AUTS2: variants seen among roughly 807,000 people sequenced by gnomAD.
The protein encoded by AUTS2 is activator of transcription and developmental regulator AUTS2.
Under a neutral mutation model 112.4 loss-of-function variants are expected in AUTS2, and 17 were observed. The observed-to-expected ratio is 0.15, with a 90% CI of 0.10 to 0.23. The LOEUF is 0.23. Among genes scored for constraint, AUTS2 ranks in the 10% least tolerant of loss-of-function variants. The probability of loss-of-function intolerance (pLI) is 1.00; values close to 1 mark genes in which losing one functional copy is unlikely to be tolerated. For missense variants in AUTS2, 1,510 were observed against 1,701.6 expected (o/e 0.89, Z 1.98); for synonymous variants, 751 against 702.7 (o/e 1.07, Z -1.09).
chr7:70,616,965 C>A (rs560847138), intron 5 of AUTS2, among the ~76,000 whole-genome samples: 1 of 152,064 alleles, frequency 6.6e-6, no homozygotes, highest in African/African-American at 2.4e-5. Context: ...AAAAAGGATC[C>A]GGTAGTCATG....
chr7:70,596,946 T>C (rs1475628711), intron 5 of AUTS2: 1 of 152,254 alleles, frequency 6.6e-6, no homozygotes, highest in African/African-American at 2.4e-5. Flanking sequence ...AATGGAAGTC[T>C]ATTGTCCTAA....
chr7:70,129,822 A>C (rs1412173661), intron 3 of AUTS2, among the ~76,000 whole-genome samples: 2 of 152,020 alleles, frequency 1.3e-5, no homozygotes, highest in East Asian at 3.9e-4. Context: ...TGATGCTTTT[A>C]TCAAGTTGTT....
intron 4 of AUTS2, among the ~76,000 whole-genome samples, chr7:70,273,964 C>A (rs960908857): frequency 6.6e-6 from 1 of 152,016 alleles, no homozygotes; most frequent in African/African-American, 2.4e-5. Context: ...ATTTTAGAAC[C>A]AGATAAATTA....
At position 70,043,575 on chromosome 7, in the gene AUTS2, TCCTTCCTTC is replaced by T. The variant is rs1314121044; in HGVS notation, c.523-74555_523-74547del. ...TTCCTTCCTTCCTTCCTTCCTTCCTTCCTTCCTTCCTTCCTTCCTTCCTTCCTTCCTTTT... is the reference window on the plus strand; with the variant it reads ...TTCCTTCCTTCCTTCCTTCCTTCCTTCTTCCTTCCTTCCTTCCTTCCTTTT... On this transcript the variant is annotated intron_variant, in intron 2 of 18. Transcript: ENST00000342771. 1.2e-4 allele frequency among the ~76,000 whole-genome samples: 13 copies of T among 112,860 alleles called. No homozygotes were observed. The East Asian group carries it at 3.1e-3, about 27-fold the overall frequency. 74.0% of individuals were successfully genotyped at this position (112,860 alleles called of 152,430 possible). A position where few individuals can be genotyped will look rare whatever the true frequency, so the allele number is the denominator to read the frequency against.
intron 1 of AUTS2, among the ~76,000 whole-genome samples, chr7:69,840,853 A>G (rs151250077): frequency 7.9e-5 from 12 of 152,316 alleles, no homozygotes; most frequent in African/African-American, 2.6e-4. Context: ...GCTACCAAAT[A>G]AAATATAGAA....
intron 2 of AUTS2, among the ~76,000 whole-genome samples, chr7:69,998,184 T>A (rs1429477063): frequency 6.6e-6 from 1 of 152,106 alleles, no homozygotes; most frequent in Non-Finnish European, 1.5e-5. Flanking sequence ...ATGGTGATGA[T>A]GTGGGGCAAA....
At chr7:70,679,025 A>T (rs1048802413) in intron 5 of AUTS2, among the ~76,000 whole-genome samples, 1 of 152,156 alleles carries the variant, frequency 6.6e-6, no homozygotes, top group Non-Finnish European at 1.5e-5. Flanking sequence ...CAAACCCTAA[A>T]TGAGTAGATG....
intron 4 of AUTS2, among the ~76,000 whole-genome samples, chr7:70,198,601 A>G (rs2129585096): frequency 8.8e-6 from 1 of 113,650 alleles, no homozygotes; most frequent in Admixed American, 9.7e-5. Context: ...GCAATGGAAG[A>G]TGAAATGAAT....
At chr7:70,359,834 G>T (rs1323021047) in intron 4 of AUTS2, among the ~76,000 whole-genome samples, 2 of 152,198 alleles carry the variant, frequency 1.3e-5, no homozygotes, top group Non-Finnish European at 2.9e-5. Context: ...CTATCCAGAA[G>T]CCAATGTAGT....
intron 16 of AUTS2, 31 bp from the exon 17 acceptor site, chr7:70,785,924 A>C: frequency 6.2e-7 from 1 of 1,608,782 alleles, no homozygotes; most frequent in Non-Finnish European, 8.5e-7. Flanking sequence ...AGAGCCCCTG[A>C]CCATTTCCTT....
intron 6 of AUTS2, among the ~76,000 whole-genome samples, chr7:70,709,604 G>A (rs575080922): frequency 2.6e-5 from 4 of 152,292 alleles, no homozygotes; most frequent in African/African-American, 4.8e-5. Flanking sequence ...CCAGGTGCTC[G>A]GGAGACTGAG....
intron 2 of AUTS2, among the ~76,000 whole-genome samples, chr7:70,027,288 T>C (rs1800563723): frequency 6.6e-6 from 1 of 152,224 alleles, no homozygotes; most frequent in South Asian, 2.1e-4. Context: ...TTGGTTTTTG[T>C]TATTTTAGCC....
chr7:69,980,353 C>T (rs1317250928), intron 2 of AUTS2, among the ~76,000 whole-genome samples: 1 of 152,138 alleles, frequency 6.6e-6, no homozygotes, highest in East Asian at 1.9e-4. Flanking sequence ...AGTTGGACAT[C>T]TAGTTCAGTT....
At chr7:69,674,227 C>A (rs1796458919) in intron 1 of AUTS2, among the ~76,000 whole-genome samples, 1 of 152,182 alleles carries the variant, frequency 6.6e-6, no homozygotes, top group Non-Finnish European at 1.5e-5. Context: ...GACAAAAAAG[C>A]AATTTCATGA....
chr7:70,547,250 A>G (rs1006425092), intron 5 of AUTS2, among the ~76,000 whole-genome samples: 2 of 151,982 alleles, frequency 1.3e-5, no homozygotes, highest in African/African-American at 2.4e-5. Flanking sequence ...GAACAATACA[A>G]TGTTGGTGGG....
At chr7:69,827,170 T>C (rs144992240) in intron 1 of AUTS2, among the ~76,000 whole-genome samples, 3 of 152,318 alleles carry the variant, frequency 2.0e-5, no homozygotes, top group African/African-American at 4.8e-5. Context: ...AGGAATCTGC[T>C]TGGACTATGT....
At chr7:70,453,091 G>A (rs1333132737) in intron 5 of AUTS2, among the ~76,000 whole-genome samples, 2 of 152,134 alleles carry the variant, frequency 1.3e-5, no homozygotes, top group Admixed American at 6.5e-5. Context: ...AGCCTCTTGT[G>A]TGATGCATAC....
chr7:70,022,166 G>A (rs922687397), intron 2 of AUTS2, among the ~76,000 whole-genome samples: 1 of 150,584 alleles, frequency 6.6e-6, no homozygotes, highest in Non-Finnish European at 1.5e-5. Flanking sequence ...AGAGAAAGGA[G>A]AGAGTTGTTA....
At chr7:69,665,962 C>T (rs888525462) in intron 1 of AUTS2, among the ~76,000 whole-genome samples, 8 of 152,136 alleles carry the variant, frequency 5.3e-5, no homozygotes, top group Admixed American at 2.0e-4. Context: ...ACTGCCATCA[C>T]GGAGTTAGAG....
Sources: allele counts gnomAD v4.1 joint callset (sites outside exome capture counted in the v4.1 genomes callset), GRCh38; gene constraint gnomAD v4.1.1; transcripts MANE v1.5; gene names NCBI Gene and HGNC (gene_info 2026-07-23, HGNC 2026-07-21).